The following PRDM11 variants were observed in gnomAD, a reference collection of about 807,000 sequenced individuals.
PRDM11 encodes the protein PR/SET domain 11.
In PRDM11, 20 loss-of-function variants were observed where a neutral mutation model predicts 97.8. The observed-to-expected ratio is 0.20, with a 90% CI of 0.14 to 0.30. The LOEUF (loss-of-function observed/expected upper bound fraction) is 0.30, where lower values mean the gene tolerates loss of function less well. Among genes scored for constraint, PRDM11 ranks in the 10% least tolerant of loss-of-function variants. The pLI is 1.00. For synonymous variants in PRDM11, 599 were observed against 637.7 expected (o/e 0.94, Z 0.91); for missense variants, 1,139 against 1,555.2 (o/e 0.73, Z 4.50).
At chr11:45,118,471 A>G (rs1852351266) in intron 1 of PRDM11, among the ~76,000 whole-genome samples, 1 of 152,228 alleles carries the variant, frequency 6.6e-6, no homozygotes, top group South Asian at 2.1e-4. Flanking sequence ...AATTAAATTC[A>G]TCAACACATA....
intron 1 of PRDM11, among the ~76,000 whole-genome samples, chr11:45,162,963 T>C (rs1028468480): frequency 6.6e-6 from 1 of 152,112 alleles, no homozygotes; most frequent in Non-Finnish European, 1.5e-5. Flanking sequence ...GGGTCCAGTG[T>C]GGTGATATTT....
intron 5 of PRDM11, 87 bp downstream of exon 5, chr11:45,204,865 A>C: frequency 7.2e-7 from 1 of 1,388,774 alleles, no homozygotes; most frequent in Non-Finnish European, 1.0e-6. Context: ...TGGGAGCTCC[A>C]GTGGTGGAGA....
At chr11:45,157,579 A>G (rs2135697441) in intron 1 of PRDM11, among the ~76,000 whole-genome samples, 1 of 152,204 alleles carries the variant, frequency 6.6e-6, no homozygotes, top group East Asian at 1.9e-4. Context: ...CTTCCTTTCC[A>G]CCGCCAACCT....
intron 1 of PRDM11, among the ~76,000 whole-genome samples, chr11:45,163,990 C>T (rs775738112): frequency 1.3e-5 from 2 of 152,152 alleles, no homozygotes; most frequent in South Asian, 2.1e-4. Flanking sequence ...GCAGGGAAGG[C>T]GCAGCTCACG....
chr11:45,225,910 A>G (rs1854263067), intron 7 of PRDM11, 85 bp from the exon 8 acceptor site: 4 of 1,414,912 alleles, frequency 2.8e-6, no homozygotes, highest in Non-Finnish European at 3.7e-6. Context: ...TGTGGCACCT[A>G]CCTTCCAGGA....
chr11:45,125,318 GT>G (rs1409996394), intron 1 of PRDM11, among the ~76,000 whole-genome samples: 1 of 152,036 alleles, frequency 6.6e-6, no homozygotes, highest in Admixed American at 6.5e-5. Flanking sequence ...TTTTTGAAGG[GT>G]TTTTTGTGTC....
intron 1 of PRDM11, among the ~76,000 whole-genome samples, chr11:45,155,926 G>A (rs1025184880): frequency 6.6e-6 from 1 of 152,150 alleles, no homozygotes; most frequent in Admixed American, 6.5e-5. Flanking sequence ...GCTGTCCCAT[G>A]ATGCTAGTGT....
At chr11:45,127,985 T>C (rs1224885734) in intron 1 of PRDM11, among the ~76,000 whole-genome samples, 1 of 152,256 alleles carries the variant, frequency 6.6e-6, no homozygotes, top group Non-Finnish European at 1.5e-5. Flanking sequence ...CCTTGAGCTG[T>C]GGTGGGCTCC....
chr11:45,162,146 C>A (rs1851945454), intron 1 of PRDM11, among the ~76,000 whole-genome samples: 1 of 152,190 alleles, frequency 6.6e-6, no homozygotes, highest in Non-Finnish European at 1.5e-5. Flanking sequence ...TGCCCTTCCC[C>A]AGCACCAGCC....
rs180969131 is a variant in PRDM11, at chr11:45,114,720, T to C, written c.96+18819T>C. Among the ~76,000 whole-genome samples, 14 of 151,800 alleles carry C rather than the reference T, an allele frequency of 9.2e-5. No homozygotes were observed. In the East Asian group the frequency reaches 2.0e-3, roughly 21 times the overall value. ...AACAACCAAACACACAAAAAAACCA[T>C]ATCACACATAGAGGAACACTTGCAT... On this transcript the variant is annotated intron_variant, in intron 1 of 6. Coordinates refer to the PRDM11 transcript ENST00000530656.
chr11:45,143,357 T>C (rs1453048904), upstream of PRDM11, among the ~76,000 whole-genome samples: 1 of 152,180 alleles, frequency 6.6e-6, no homozygotes, highest in African/African-American at 2.4e-5. Flanking sequence ...AGGCCTCAGA[T>C]GGACTTTTCC....
intron 6 of PRDM11, among the ~76,000 whole-genome samples, chr11:45,222,797 G>T (rs1012109024): frequency 8.5e-5 from 13 of 152,162 alleles, no homozygotes; most frequent in African/African-American, 3.1e-4. Flanking sequence ...TTTTGCAAAT[G>T]GAGCCATCAG....
chr11:45,104,612 G>T (rs1157442525), intron 1 of PRDM11, among the ~76,000 whole-genome samples: 1 of 152,096 alleles, frequency 6.6e-6, no homozygotes, highest in Non-Finnish European at 1.5e-5. Flanking sequence ...TCCCACCTGG[G>T]ACCTCAGCCC....
intron 5 of PRDM11, chr11:45,208,935 A>G (rs777078893): frequency 2.2e-6 from 1 of 456,644 alleles, no homozygotes; most frequent in Non-Finnish European, 4.4e-6. Flanking sequence ...GGAGCTGGAC[A>G]TTCTTGTCAC....
At chr11:45,137,277 A>G (rs903452496) in intron 1 of PRDM11, among the ~76,000 whole-genome samples, 1 of 151,148 alleles carries the variant, frequency 6.6e-6, no homozygotes, top group Non-Finnish European at 1.5e-5. Flanking sequence ...TACTAAAAAT[A>G]TAAAAATTAG....
intron 1 of PRDM11, among the ~76,000 whole-genome samples, chr11:45,148,603 A>G (rs1029656154): frequency 6.6e-6 from 1 of 152,208 alleles, no homozygotes; most frequent in Middle Eastern, 3.4e-3. Flanking sequence ...TTGTCCTAGG[A>G]GTCCTAGATT....
At chr11:45,134,116 C>T (rs1356442218) in intron 1 of PRDM11, among the ~76,000 whole-genome samples, 1 of 152,160 alleles carries the variant, frequency 6.6e-6, no homozygotes, top group East Asian at 1.9e-4. Flanking sequence ...ACATCAGCTA[C>T]CAATGGTGAT....
chr11:45,094,646 G>T (rs1400687155), upstream of PRDM11, among the ~76,000 whole-genome samples: 3 of 147,338 alleles, frequency 2.0e-5, no homozygotes, highest in Non-Finnish European at 4.5e-5. Context: ...AGCAGAAAAT[G>T]GGAGGGAGGA....
chr11:45,152,082 A>G (rs1026622222), intron 1 of PRDM11, among the ~76,000 whole-genome samples: 2 of 152,062 alleles, frequency 1.3e-5, no homozygotes, highest in Non-Finnish European at 2.9e-5. Context: ...TTATTTATTT[A>G]TTTGAGACAG....
Sources: allele counts gnomAD v4.1 joint callset (sites outside exome capture counted in the v4.1 genomes callset), GRCh38; gene constraint gnomAD v4.1.1; transcripts MANE v1.5; gene names NCBI Gene and HGNC (gene_info 2026-07-23, HGNC 2026-07-21).